The following TESK1 variants were observed in gnomAD, a reference collection of about 807,000 sequenced individuals.
TESK1 encodes the protein dual specificity testis-specific protein kinase 1.
TESK1 carries 18 observed loss-of-function variants against 59.9 expected under a neutral mutation model. The ratio of observed to expected loss-of-function variants is 0.30; its 90% confidence interval spans 0.21 to 0.45. The LOEUF is 0.45. TESK1 is among the 20% of genes least tolerant of loss of function. The pLI is 1.00. For synonymous variants in TESK1, 341 were observed against 357.4 expected (o/e 0.95, Z 0.52); for missense variants, 748 against 840.9 (o/e 0.89, Z 1.37).
In TESK1 at chr9:35,607,279, C is replaced by T. The variant is rs199984928; in HGVS notation, c.538-48C>T. On this transcript the variant is annotated intron_variant, in intron 4 of 9. Coordinates refer to ENST00000336395, the MANE Select transcript of TESK1 (RefSeq NM_006285.3). This position sits in a 1 kb window ranked among gnomAD's most constrained non-coding sequence, Gnocchi z 4.5. ...TTGGGTTATACATTGGGAGGCCAGA[C>T]AGCAGAAGGTGATGAGTGCGTGGGG... The T allele has an allele frequency of 1.3e-4, 214 of 1,606,006 alleles. No individual in the cohort carries two copies. The African/African-American group carries it at 2.7e-3, about 20-fold the overall frequency.
At position 35,606,952 on chromosome 9, in the gene TESK1, A is replaced by G; in HGVS notation, c.506A>G (p.Lys169Arg). The change falls in exon 4 of 10, where the codon AAA (lysine) becomes AGA (arginine). Residue 169 changes from lysine to arginine, a missense_variant. Transcript: ENST00000336395. Reference sequence around the variant, plus strand: ...CGAGGCCTGCGGTACCTGCACTCCAAAGGTGTATTTCACCGCGACCTCACA... The same window carrying G: ...CGAGGCCTGCGGTACCTGCACTCCAGAGGTGTATTTCACCGCGACCTCACA... The part of the protein sequence containing the change: ...IARGLRYLHS[K>R]GVFHRDLTSK... 3.1e-6 allele frequency: 5 copies of G among 1,609,870 alleles called. No homozygotes were observed. Among genetic ancestry groups the G allele is most frequent in the Non-Finnish European group, 3.4e-6 (4 of 1,177,788 alleles).
At chr9:35,606,802 C>T in intron 3 of TESK1, 35 bp from the exon 4 acceptor site, 1 of 1,564,708 alleles carries the variant, frequency 6.4e-7, no homozygotes, top group Non-Finnish European at 8.7e-7. Context: ...AGACTGAAGT[C>T]TGACATCTAT....
chr9:35,607,631 A>C lies in TESK1; in HGVS notation c.670A>C (p.Met224Leu). 1 of 1,614,012 alleles carries C rather than the reference A, an allele frequency of 6.2e-7. No homozygotes were observed. The stretch of plus-strand genomic sequence containing the variant: ...GGCCGTGGTGGGCTCCCCATACTGG[A>C]TGGCTCCAGAGGTGTTACGGGGTGA... ...PLAVVGSPYW[M>L]APEVLRGELY... Residue 224 changes from methionine (M) to leucine (L), a missense_variant, in exon 6 of 10, where the codon ATG (methionine) becomes CTG (leucine). Around this residue, in one of 3 missense-constraint regions of TESK1, gnomAD observed 168 missense variants for 257.4 expected, o/e 0.65. Coordinates refer to ENST00000336395, the MANE Select transcript of TESK1 (RefSeq NM_006285.3). This position sits in a 1 kb window ranked among gnomAD's most constrained non-coding sequence, Gnocchi z 4.5.
At chr9:35,606,352 G>T in intron 3 of TESK1, 67 bp downstream of exon 3, 1 of 1,585,796 alleles carries the variant, frequency 6.3e-7, no homozygotes, top group Non-Finnish European at 8.6e-7. Flanking sequence ...GGAGTCAACA[G>T]GCCTGGTGGA....
In TESK1 at chr9:35,607,768, T is replaced by C; in HGVS notation, c.711+96T>C. ...ATCCCCAAAACAACCCTACCAGATC[T>C]TCAGGAGTCCCCAAGATCCCTTTGC... On this transcript the variant is annotated intron_variant, in intron 6 of 9. Transcript: ENST00000336395. This position sits in a 1 kb window ranked among gnomAD's most constrained non-coding sequence, Gnocchi z 4.5. 1 of 1,308,544 alleles carries C rather than the reference T, an allele frequency of 7.6e-7. No homozygotes were observed. The highest frequency in any genetic ancestry group is 1.3e-5 in the South Asian group (1 of 78,178). The allele number at this position is 1,308,544 out of a possible 1,614,324, so 81.1% of individuals were successfully genotyped here.
At position 35,609,783 on chromosome 9, in the gene TESK1, A is replaced by T; in HGVS notation, c.*41A>T. The T allele has an allele frequency of 6.6e-7, 1 of 1,506,916 alleles. No homozygotes were observed. The highest frequency in any genetic ancestry group is 8.8e-7 in the Non-Finnish European group (1 of 1,132,372). 93.3% of individuals were successfully genotyped at this position (1,506,916 alleles called of 1,614,324 possible). A position where few individuals can be genotyped will look rare whatever the true frequency, so the allele number is the denominator to read the frequency against. ...TCTCAGGCCTCCAACTTTGGCCTTCAGGACACCCTGTAAGAACAGAGCACA... is the reference window on the plus strand; with the variant it reads ...TCTCAGGCCTCCAACTTTGGCCTTCTGGACACCCTGTAAGAACAGAGCACA... On this transcript the variant is annotated 3_prime_UTR_variant, in exon 10 of 10. Coordinates refer to ENST00000336395, the MANE Select transcript of TESK1 (RefSeq NM_006285.3). The surrounding 1 kb of genome is among the most constrained non-coding windows in gnomAD (Gnocchi z 6.7).
rs147061876 is a variant in TESK1 at position 35,606,987 on chromosome 9, G to A, written c.537+4G>A. 2.5e-6 allele frequency: 4 copies of A among 1,584,538 alleles called. No homozygotes were observed. Among genetic ancestry groups the A allele is most frequent in the East Asian group, 4.5e-5 (2 of 44,434 alleles). ...TCACCGCGACCTCACATCCAAGGTA[G>A]GCTAGCAGGGTGGGTGGAGACATGA... On this transcript the variant is annotated splice_donor_region_variant and intron_variant, in intron 4 of 9. Coordinates refer to ENST00000336395, the MANE Select transcript of TESK1 (RefSeq NM_006285.3).
At position 35,607,461 on chromosome 9, in the gene TESK1, A is replaced by ATGT; in HGVS notation, c.620+53_620+55dup. On this transcript the variant is annotated intron_variant, in intron 5 of 9. Transcript: ENST00000336395. The surrounding 1 kb of genome is among the most constrained non-coding windows in gnomAD (Gnocchi z 4.5). Reference sequence around the variant, plus strand: ...AAATCTCCCAGAGTGCCCCTATCTGATGTCCCCAGAGCCCCAGGGATGTTT... The same window carrying ATGT: ...AAATCTCCCAGAGTGCCCCTATCTGATGTTGTCCCCAGAGCCCCAGGGATGTTT... 6.2e-7 allele frequency: 1 copy of ATGT among 1,604,644 alleles called. No homozygotes were observed. The highest frequency in any genetic ancestry group is 8.5e-7 in the Non-Finnish European group (1 of 1,171,566).
Position 35,606,031 on chromosome 9 carries a change from G to T in TESK1, c.267G>T (p.Lys89Asn), listed in dbSNP as rs1410119049. The T allele has an allele frequency of 6.2e-7, 1 of 1,614,038 alleles. No homozygotes were observed. Among genetic ancestry groups the T allele is most frequent in the African/African-American group, 1.3e-5 (1 of 74,930 alleles). ...AAGTCATGGTGCTGAAGATGAACAA[G>T]CTCCCCAGTAACCGGGGCAACACAC... is the stretch of plus-strand genomic sequence containing the variant. ...SGQVMVLKMNKLPSNRGNTLR... is the reference protein window; with the variant it reads ...SGQVMVLKMNNLPSNRGNTLR... Residue 89 changes from lysine to asparagine, a missense_variant, in exon 2 of 10, where the codon AAG (lysine) becomes AAT (asparagine). Coordinates refer to ENST00000336395, the MANE Select transcript of TESK1 (RefSeq NM_006285.3).
In TESK1 at chr9:35,605,801, A is replaced by G. The variant is rs1432803573; in HGVS notation, c.182A>G (p.Glu61Gly). The G allele has an allele frequency of 2.5e-6, 4 of 1,611,670 alleles. No homozygotes were observed. The East Asian group carries it at 6.7e-5, about 27-fold the overall frequency. Residue 61 changes from glutamate (E) to glycine (G), a missense_variant, in exon 1 of 10, where the codon GAG (glutamate) becomes GGG (glycine). Around this residue, in one of 3 missense-constraint regions of TESK1, gnomAD observed 133 missense variants for 117.4 expected, o/e 1.13. Transcript: ENST00000336395. The part of the protein sequence containing the change: ...LARVDDFHCA[E>G]KIGAGFFSEV... ...CGTGTGGACGATTTTCACTGCGCGG[A>G]GAAGATCGGGGCCGGCTTCTTCTCT...
At position 35,605,836 on chromosome 9, in the gene TESK1, A is replaced by C; in HGVS notation, c.217A>C (p.Lys73Gln). 2 of 1,610,464 alleles carry C rather than the reference A, an allele frequency of 1.2e-6. No individual in the cohort carries two copies. Among genetic ancestry groups the C allele is most frequent in the Non-Finnish European group, 1.7e-6 (2 of 1,178,928 alleles). ...GGCCGGCTTCTTCTCTGAGGTCTAC[A>C]AGGTAGGACCGGCCGAGAGGGCAGA... ...IGAGFFSEVY[K>Q]VRHRQSGQVM... The change falls in exon 1 of 10, where the codon AAG (lysine) becomes CAG (glutamine). Residue 73 changes from lysine (K) to glutamine (Q), a missense_variant and splice_region_variant. By Grantham distance (53) the Lys-to-Gln change is moderately conservative. Transcript: ENST00000336395.
Position 35,609,243 on chromosome 9 carries a change from G to A in TESK1, c.1382G>A (p.Gly461Asp). 1 of 1,614,076 alleles carries A rather than the reference G, an allele frequency of 6.2e-7. No homozygotes were observed. The highest frequency in any genetic ancestry group is 1.1e-5 in the South Asian group (1 of 91,084). ...ALPGPGPPAVGPSAEEKMECE... is the reference protein window; with the variant it reads ...ALPGPGPPAVDPSAEEKMECE... The stretch of plus-strand genomic sequence containing the variant: ...CCAGGTCCTGGCCCTCCCGCTGTGG[G>A]CCCCTCGGCTGAAGAGAAGATGGAG... Residue 461 changes from glycine to aspartate, a missense_variant, in exon 10 of 10, where the codon GGC becomes GAC. Around this residue, in one of 3 missense-constraint regions of TESK1, gnomAD observed 447 missense variants for 466.1 expected, o/e 0.96. Transcript: ENST00000336395. This position sits in a 1 kb window ranked among gnomAD's most constrained non-coding sequence, Gnocchi z 6.7.
In TESK1 at chr9:35,607,738, C is replaced by T. The variant is rs1822877841; in HGVS notation, c.711+66C>T. 1 of 1,445,088 alleles carries T rather than the reference C, an allele frequency of 6.9e-7. No individual in the cohort carries two copies. The highest frequency in any genetic ancestry group is 9.6e-7 in the Non-Finnish European group (1 of 1,038,446). 89.5% of individuals were successfully genotyped at this position (1,445,088 alleles called of 1,614,324 possible). On this transcript the variant is annotated intron_variant, in intron 6 of 9. Coordinates refer to ENST00000336395, the MANE Select transcript of TESK1 (RefSeq NM_006285.3). The surrounding 1 kb of genome is among the most constrained non-coding windows in gnomAD (Gnocchi z 4.5). ...CCCTTGAGGTATTCTCATAAAGCCC[C>T]ATCCATCCCCAAAACAACCCTACCA... is the stretch of plus-strand genomic sequence containing the variant.
chr9:35,608,341 C>A (rs1314180797), intron 8 of TESK1, 54 bp from the exon 9 acceptor site: 8 of 1,609,816 alleles, frequency 5.0e-6, no homozygotes, highest in Non-Finnish European at 6.8e-6. Flanking sequence ...GGAGGAAACT[C>A]AGAGACCCTC....
Position 35,609,132 on chromosome 9 carries a change from C to T in TESK1, c.1271C>T (p.Thr424Ile). ...CTGCCCTTGGTGACCACTCCGGAGA[C>T]CCTGGTCCAGCCTGGGACACCTGCC... ...TQLPLVTTPE[T>I]LVQPGTPARR... The change falls in exon 10 of 10, where the codon ACC becomes ATC. Residue 424 changes from threonine to isoleucine, a missense_variant. Around this residue, in one of 3 missense-constraint regions of TESK1, gnomAD observed 447 missense variants for 466.1 expected, o/e 0.96. Transcript: ENST00000336395. This position sits in a 1 kb window ranked among gnomAD's most constrained non-coding sequence, Gnocchi z 6.7. The T allele has an allele frequency of 1.2e-6, 2 of 1,614,118 alleles. No homozygotes were observed. The highest frequency in any genetic ancestry group is 1.7e-6 in the Non-Finnish European group (2 of 1,180,040).
In TESK1 at chr9:35,607,232, G is replaced by A; in HGVS notation, c.538-95G>A. Reference sequence around the variant, plus strand: ...AACTGGGAGAGCAGAGAGGGTTGGAGTTATGCTGGAGTGACAGGGCTTTGG... The same window carrying A: ...AACTGGGAGAGCAGAGAGGGTTGGAATTATGCTGGAGTGACAGGGCTTTGG... On this transcript the variant is annotated intron_variant, in intron 4 of 9. Transcript: ENST00000336395. The surrounding 1 kb of genome is among the most constrained non-coding windows in gnomAD (Gnocchi z 4.5). 1.3e-6 allele frequency: 2 copies of A among 1,500,944 alleles called. No individual in the cohort carries two copies. Among genetic ancestry groups the A allele is most frequent in the Non-Finnish European group, 1.9e-6 (2 of 1,081,000 alleles). The allele number at this position is 1,500,944 out of a possible 1,614,324, so 93.0% of individuals were successfully genotyped here. A position where few individuals can be genotyped will look rare whatever the true frequency, so the allele number is the denominator to read the frequency against.
Position 35,606,118 on chromosome 9 carries a change from A to C in TESK1, c.341+13A>C, listed in dbSNP as rs1297051889. 1.2e-6 allele frequency: 2 copies of C among 1,614,088 alleles called. No homozygotes were observed. The highest frequency in any genetic ancestry group is 1.7e-6 in the Non-Finnish European group (2 of 1,179,936). ...CCAACATCCTAAGGTGAGCGGCCCCAGTCTCTGGGCAGCTTGCTGGGCGGG... is the reference window on the plus strand; with the variant it reads ...CCAACATCCTAAGGTGAGCGGCCCCCGTCTCTGGGCAGCTTGCTGGGCGGG... On this transcript the variant is annotated intron_variant, in intron 2 of 9. Transcript: ENST00000336395.
rs1206487567 is a variant in TESK1, at chr9:35,605,300, C to T, written c.-320C>T. On this transcript the variant is annotated 5_prime_UTR_variant, in exon 1 of 10. Coordinates refer to ENST00000336395, the MANE Select transcript of TESK1 (RefSeq NM_006285.3). ...CGGCGGCTAAGCGGAGCAGCCGCCG[C>T]CCGCCCGCCCGCCCGCCTCCGCCCG... 2 of 147,334 alleles carry T rather than the reference C, an allele frequency of 1.4e-5. No individual in the cohort carries two copies. The highest frequency in any genetic ancestry group is 3.5e-3 in the Middle Eastern group (1 of 286). The allele number at this position is 147,334 out of a possible 1,614,324, so 9.1% of individuals were successfully genotyped here.
rs1023973197 is a variant in TESK1, at chr9:35,607,226, G to A, written c.538-101G>A. ...TTGAAAAACTGGGAGAGCAGAGAGG[G>A]TTGGAGTTATGCTGGAGTGACAGGG... is the stretch of plus-strand genomic sequence containing the variant. On this transcript the variant is annotated intron_variant, in intron 4 of 9. Transcript: ENST00000336395. The surrounding 1 kb of genome is among the most constrained non-coding windows in gnomAD (Gnocchi z 4.5). 13 of 1,471,736 alleles carry A rather than the reference G, an allele frequency of 8.8e-6. No homozygotes were observed. In the South Asian group the frequency reaches 1.5e-4, roughly 17 times the overall value. The allele number at this position is 1,471,736 out of a possible 1,614,324, so 91.2% of individuals were successfully genotyped here.
Sources: allele counts gnomAD v4.1 joint callset, GRCh38; gene constraint gnomAD v4.1.1; regional missense constraint gnomAD v4.1.1; non-coding constraint Gnocchi (gnomAD v3.1); transcripts MANE v1.5; gene names NCBI Gene and HGNC (gene_info 2026-07-23, HGNC 2026-07-21).